KIF3A: variants seen among roughly 807,000 people sequenced by gnomAD.
KIF3A encodes the protein kinesin family member 3A.
Under a neutral mutation model 92.6 loss-of-function variants are expected in KIF3A, and 27 were observed. The ratio of observed to expected loss-of-function variants is 0.29; its 90% CI spans 0.21 to 0.40. KIF3A has a LOEUF of 0.40. Ranked by LOEUF, KIF3A falls within the 10% of genes least tolerant of loss-of-function variation. The pLI is 1.00. For missense variants in KIF3A, 581 were observed against 872.6 expected (o/e 0.67, Z 4.21); for synonymous variants, 250 against 275.4 (o/e 0.91, Z 0.92).
chr5:132,732,853 G>C (rs1250770110), intron 2 of KIF3A, among the ~76,000 whole-genome samples: 1 of 151,410 alleles, frequency 6.6e-6, no homozygotes, highest in African/African-American at 2.4e-5. Flanking sequence ...AAGTTGCAGT[G>C]AGCCAAGATC....
At position 132,700,249 on chromosome 5, in the gene KIF3A, C is replaced by T. The variant is rs372444722; in HGVS notation, c.1974G>A (p.Lys658=). The T allele has an allele frequency of 1.3e-6, 2 of 1,599,824 alleles. No homozygotes were observed. The highest frequency in any genetic ancestry group is 2.7e-5 in the African/African-American group (2 of 74,556). The stretch of plus-strand genomic sequence containing the variant: ...CCTTTTTATCAGGTACTGGGGTTTG[C>T]TTCCTCATGTTATTTCCTGTATAAG... The part of the protein sequence containing the change: ...CVAYTGNNMR[K]QTPVPDKKEK... The change falls in exon 17 of 19, where the codon AAG becomes AAA. Residue 658 remains lysine, a synonymous_variant. Coordinates refer to ENST00000403231, the MANE Select transcript of KIF3A (RefSeq NM_001300791.2).
intron 1 of KIF3A, among the ~76,000 whole-genome samples, chr5:132,736,200 G>A (rs1321757769): frequency 6.6e-6 from 1 of 152,246 alleles, no homozygotes; most frequent in African/African-American, 2.4e-5. Flanking sequence ...AGGTAGTCAA[G>A]AGGCTGAATT....
intron 8 of KIF3A, among the ~76,000 whole-genome samples, chr5:132,711,938 T>C (rs1753441409): frequency 6.6e-6 from 1 of 152,190 alleles, no homozygotes; most frequent in Non-Finnish European, 1.5e-5. Context: ...ATCAGCACTA[T>C]ATCATCTTCA....
downstream of KIF3A, among the ~76,000 whole-genome samples, chr5:132,690,850 C>A (rs1752646183): frequency 1.3e-5 from 2 of 151,922 alleles, no homozygotes; most frequent in Non-Finnish European, 2.9e-5. Context: ...TGGCGTGAAC[C>A]CAGGAGGCGG....
intron 1 of KIF3A, among the ~76,000 whole-genome samples, chr5:132,736,252 A>C (rs1754385087): frequency 6.6e-6 from 1 of 152,230 alleles, no homozygotes; most frequent in Non-Finnish European, 1.5e-5. Context: ...GTATTTAAAG[A>C]GCTTTTGAAT....
chr5:132,728,817 G>C (rs1262866592), intron 2 of KIF3A, among the ~76,000 whole-genome samples: 13 of 151,966 alleles, frequency 8.6e-5, no homozygotes, highest in Admixed American at 8.5e-4. Flanking sequence ...TCCTGCTATA[G>C]TCCCAGCACT....
intron 7 of KIF3A, 122 bp from the exon 8 acceptor site, chr5:132,716,053 G>A: frequency 1.1e-6 from 1 of 873,126 alleles, no homozygotes; most frequent in East Asian, 2.6e-5. Flanking sequence ...TCTCGAAAAT[G>A]AGAGTGTCAA....
intron 4 of KIF3A, among the ~76,000 whole-genome samples, chr5:132,725,166 G>C (rs1309077020): frequency 6.6e-6 from 1 of 151,736 alleles, no homozygotes; most frequent in Admixed American, 6.6e-5. Flanking sequence ...TTTAGGACAT[G>C]AAAGCACAGA....
At chr5:132,716,804 A>T (rs1391870115) in intron 6 of KIF3A, 41 bp downstream of exon 6, 9 of 1,587,978 alleles carry the variant, frequency 5.7e-6, no homozygotes, top group Non-Finnish European at 7.7e-6. Flanking sequence ...TAAATGGATC[A>T]CAAGAAAGAG....
chr5:132,699,372 T>C (rs1313359175), intron 17 of KIF3A, 77 bp from the exon 18 acceptor site: 2 of 1,430,062 alleles, frequency 1.4e-6, no homozygotes, highest in Non-Finnish European at 1.9e-6. Context: ...TTTAAAATAC[T>C]GAATAAACTC....
chr5:132,691,144 A>T (rs191842828), downstream of KIF3A, among the ~76,000 whole-genome samples: 1 of 152,340 alleles, frequency 6.6e-6, no homozygotes, highest in East Asian at 1.9e-4. Context: ...CCACTAAGTA[A>T]TGGTACCTTT....
rs1302344099 is a variant in KIF3A, at chr5:132,716,958, C to T, written c.643G>A (p.Glu215Lys). ...ATGGCATGGGAACGGGAACTATGTT[C>T]GTTCATATTAGTTGCACCAACAGAA... The part of the protein sequence containing the change: ...NRSVGATNMN[E>K]HSSRSHAIFT... The change falls in exon 6 of 19, where the codon GAA becomes AAA. Residue 215 changes from glutamate (E) to lysine (K), a missense_variant. Glu to Lys is a moderately conservative substitution (Grantham distance 56). Around this residue, in one of 5 missense-constraint regions of KIF3A, gnomAD observed 217 missense variants for 299.7 expected, o/e 0.72. Coordinates refer to ENST00000403231, the MANE Select transcript of KIF3A (RefSeq NM_001300791.2). The T allele has an allele frequency of 3.7e-6, 6 of 1,613,566 alleles. No homozygotes were observed. Among genetic ancestry groups the T allele is most frequent in the Non-Finnish European group, 5.1e-6 (6 of 1,179,772 alleles).
chr5:132,697,364 TA>T (rs571092323), intron 18 of KIF3A, among the ~76,000 whole-genome samples: 1 of 151,398 alleles, frequency 6.6e-6, no homozygotes. Flanking sequence ...AATGTTAAAC[TA>T]AAAAAATGAC....
In KIF3A at chr5:132,712,252, A is replaced by T. The variant is rs144388023; in HGVS notation, c.1130-1195T>A. Among the ~76,000 whole-genome samples, 134 of 152,376 alleles carry T rather than the reference A, an allele frequency of 8.8e-4. 1 individual carries two copies. The highest frequency in any genetic ancestry group is 3.1e-3 in the African/African-American group (130 of 41,594). On this transcript the variant is annotated intron_variant, in intron 8 of 18. Transcript: ENST00000403231. ...GAATGATTCTAAGATTGGGCAAGGAAGACACAAGATAAACCTAAAACCTTT... is the reference window on the plus strand; with the variant it reads ...GAATGATTCTAAGATTGGGCAAGGATGACACAAGATAAACCTAAAACCTTT...
chr5:132,716,586 A>T (rs1753631566), intron 6 of KIF3A, 144 bp from the exon 7 acceptor site: 1 of 787,204 alleles, frequency 1.3e-6, no homozygotes, highest in South Asian at 1.9e-5. Flanking sequence ...GGAAAGGAAG[A>T]AGTGGGGGAG....
In KIF3A at chr5:132,715,773, T is replaced by C; in HGVS notation, c.1113A>G (p.Lys371=). 2 of 1,607,142 alleles carry C rather than the reference T, an allele frequency of 1.2e-6. No homozygotes were observed. Among genetic ancestry groups the C allele is most frequent in the Non-Finnish European group, 1.7e-6 (2 of 1,177,958 alleles). ...RQFQKEIEEL[K]KKLEEGEEIS... ...AAAAGCTACCTTCTTCAAGCTTCTT[T>C]TTCAGTTCTTCTATTTCTTTCTGGA... Residue 371 remains lysine, a synonymous_variant, in exon 8 of 19, where the codon AAA becomes AAG. Transcript: ENST00000403231.
intron 12 of KIF3A, 126 bp downstream of exon 12, chr5:132,703,337 T>A (rs1452430284): frequency 1.2e-6 from 1 of 801,162 alleles, no homozygotes; most frequent in Admixed American, 2.8e-5. Context: ...GACCCTTCTA[T>A]CCAAAATAGC....
chr5:132,729,540 A>G (rs962449873), intron 2 of KIF3A, among the ~76,000 whole-genome samples: 2 of 152,240 alleles, frequency 1.3e-5, no homozygotes, highest in Non-Finnish European at 2.9e-5. Context: ...AAAAACATTC[A>G]AGCCATAAAA....
At chr5:132,700,899 A>C (rs1350563390) in intron 15 of KIF3A, among the ~76,000 whole-genome samples, 199 bp from the exon 16 acceptor site, 3 of 152,326 alleles carry the variant, frequency 2.0e-5, no homozygotes, top group Non-Finnish European at 4.4e-5. Context: ...GAAAATGAAA[A>C]AACAACAGAA....
Sources: gnomAD v4.1 joint callset for allele counts (sites outside exome capture counted in the v4.1 genomes callset) on GRCh38, gnomAD v4.1.1 for gene constraint, gnomAD v4.1.1 regional missense constraint, MANE v1.5 for transcripts, NCBI Gene and HGNC (gene_info 2026-07-23, HGNC 2026-07-21) for gene names.